Variants in FER1L6 observed in about 807,000 individuals in gnomAD.
The protein encoded by FER1L6 is fer-1-like protein 6.
In FER1L6, 177 loss-of-function variants were observed where a neutral mutation model predicts 219.2. The observed-to-expected ratio is 0.81, with a 90% CI of 0.71 to 0.91. The LOEUF is 0.91. FER1L6 is among the 40% of genes least tolerant of loss of function. FER1L6 has a pLI of 0.00. For missense variants in FER1L6, 2,153 were observed against 2,259.9 expected (o/e 0.95, Z 0.96); for synonymous variants, 768 against 824.3 (o/e 0.93, Z 1.17).
chr8:123,911,991 G>T (rs748504904), intron 1 of FER1L6, among the ~76,000 whole-genome samples: 33 of 152,124 alleles, frequency 2.2e-4, no homozygotes, highest in Admixed American at 1.6e-3. Flanking sequence ...GCCTCTATTA[G>T]CAATAGGGAA....
chr8:123,942,602 C>T (rs1323936213), intron 1 of FER1L6, among the ~76,000 whole-genome samples: 1 of 152,178 alleles, frequency 6.6e-6, no homozygotes, highest in Admixed American at 6.5e-5. Context: ...TCCTTTGTTC[C>T]TTGTCTTGTG....
intron 1 of FER1L6, among the ~76,000 whole-genome samples, chr8:123,919,537 A>G (rs919300830): frequency 4.6e-5 from 7 of 152,126 alleles, no homozygotes; most frequent in African/African-American, 1.7e-4. Flanking sequence ...TGGCTGGAGG[A>G]GCCACCTCTG....
At chr8:124,057,246 T>A (rs756650409) in intron 22 of FER1L6, among the ~76,000 whole-genome samples, 1 of 152,194 alleles carries the variant, frequency 6.6e-6, no homozygotes, top group Non-Finnish European at 1.5e-5. Context: ...TTTGTTTGCC[T>A]GGGTTGGAAA....
chr8:124,086,851 T>C (rs992484869), intron 33 of FER1L6, among the ~76,000 whole-genome samples: 2 of 152,218 alleles, frequency 1.3e-5, no homozygotes, highest in Admixed American at 6.5e-5. Context: ...ATACTTTTCC[T>C]AGATATGCTA....
chr8:124,093,925 CT>C (rs34671959), intron 34 of FER1L6, among the ~76,000 whole-genome samples: 57,448 of 151,814 alleles, frequency 0.38, 10,930 homozygotes, highest in Non-Finnish European at 0.39. Context: ...ACTGTGGCCC[CT>C]TTTTTTTAAA....
At chr8:123,949,445 G>A (rs915534638) in intron 1 of FER1L6, among the ~76,000 whole-genome samples, 16 of 152,126 alleles carry the variant, frequency 1.1e-4, no homozygotes, top group African/African-American at 3.9e-4. Context: ...AATCTGTTAT[G>A]GGTCAGTGTA....
At chr8:124,117,139 T>C (rs1823281777) in intron 39 of FER1L6, among the ~76,000 whole-genome samples, 1 of 152,244 alleles carries the variant, frequency 6.6e-6, no homozygotes, top group African/African-American at 2.4e-5. Flanking sequence ...GTATGAGCTT[T>C]GGTATCATAC....
chr8:124,021,624 C>G lies in FER1L6; in HGVS notation c.2088C>G (p.His696Gln). The part of the protein sequence containing the change: ...KKKLSVDEMI[H>Q]EAQNFVEKIR... ...AGTTATCTGTTGATGAAATGATTCACGAAGCCCAAAACTTTGTGGAAAAAA... is the reference window on the plus strand; with the variant it reads ...AGTTATCTGTTGATGAAATGATTCAGGAAGCCCAAAACTTTGTGGAAAAAA... Residue 696 changes from histidine (H) to glutamine (Q), a missense_variant, in exon 17 of 41, where the codon CAC (histidine) becomes CAG (glutamine). By Grantham distance (24) the His-to-Gln change is conservative. Coordinates refer to ENST00000522917, the MANE Select transcript of FER1L6 (RefSeq NM_001039112.2). The G allele has an allele frequency of 6.2e-7, 1 of 1,614,004 alleles. No homozygotes were observed. Among genetic ancestry groups the G allele is most frequent in the East Asian group, 2.2e-5 (1 of 44,874 alleles).
chr8:123,868,331 GGAATCAAA>G (rs1816871574), intron 1 of FER1L6, among the ~76,000 whole-genome samples: 1 of 152,104 alleles, frequency 6.6e-6, no homozygotes, highest in South Asian at 2.1e-4. Flanking sequence ...CATTGAGGGA[GGAATCAAA>G]GAAAGAGACA....
chr8:123,895,933 A>G (rs982295935), intron 1 of FER1L6, among the ~76,000 whole-genome samples: 5 of 152,166 alleles, frequency 3.3e-5, no homozygotes, highest in African/African-American at 1.2e-4. Context: ...GACAATAGGG[A>G]TGGATTATTG....
Position 124,101,398 on chromosome 8 carries a change from A to G in FER1L6, c.5125+60A>G. The G allele has an allele frequency of 2.0e-6, 3 of 1,520,260 alleles. No individual in the cohort carries two copies. The South Asian group carries it at 3.6e-5, about 18-fold the overall frequency. The allele number at this position is 1,520,260 out of a possible 1,614,324, so 94.2% of individuals were successfully genotyped here. A position where few individuals can be genotyped will look rare whatever the true frequency, so the allele number is the denominator to read the frequency against. ...TTAAGGGTTTTGTCTCAGCTTTTGG[A>G]GAGCTTGGTCTGATTTAGTTACAAG... On this transcript the variant is annotated intron_variant, in intron 38 of 40. Transcript: ENST00000522917.
chr8:124,052,075 T>C (rs191230271), intron 22 of FER1L6, among the ~76,000 whole-genome samples: 1 of 152,290 alleles, frequency 6.6e-6, no homozygotes, highest in Admixed American at 6.5e-5. Flanking sequence ...TAAAACCAAA[T>C]GGGATTCTAA....
At chr8:123,975,096 T>G in intron 7 of FER1L6, 54 bp from the exon 8 acceptor site, 1 of 1,464,478 alleles carries the variant, frequency 6.8e-7, no homozygotes, top group Non-Finnish European at 9.1e-7. Flanking sequence ...GAGAAAGGGG[T>G]GGGGCTGCTG....
At position 124,097,891 on chromosome 8, in the gene FER1L6, T is replaced by A. The variant is rs766411009; in HGVS notation, c.4883+8T>A. The A allele has an allele frequency of 1.4e-6, 2 of 1,449,168 alleles. No homozygotes were observed. The highest frequency in any genetic ancestry group is 1.9e-6 in the Non-Finnish European group (2 of 1,029,850). The allele number at this position is 1,449,168 out of a possible 1,614,324, so 89.8% of individuals were successfully genotyped here. The stretch of plus-strand genomic sequence containing the variant: ...TGATATTTATGTGAAAGGGTAAGGT[T>A]ATCAACAAACTCCAACCTCCCATTT... On this transcript the variant is annotated splice_region_variant and intron_variant, in intron 37 of 40. Transcript: ENST00000522917.
intron 16 of FER1L6, 141 bp downstream of exon 16, chr8:124,017,859 TTTGTTAAGTTGGA>T: frequency 1.7e-6 from 1 of 595,988 alleles, no homozygotes; most frequent in Non-Finnish European, 2.9e-6. Flanking sequence ...AAAGGGACTA[TTTGTTAAGTTGGA>T]AAGAAATGAA....
intron 18 of FER1L6, 89 bp downstream of exon 18, chr8:124,023,685 C>T: frequency 1.4e-6 from 2 of 1,383,658 alleles, no homozygotes; most frequent in Non-Finnish European, 2.0e-6. Flanking sequence ...ATGGCTCTGA[C>T]CATTCCCCAG....
intron 12 of FER1L6, among the ~76,000 whole-genome samples, chr8:124,000,688 A>G (rs1255987544): frequency 2.0e-5 from 3 of 152,220 alleles, no homozygotes; most frequent in African/African-American, 7.2e-5. Flanking sequence ...TAACTCTCCA[A>G]ATCTTCTTGG....
chr8:123,976,076 G>T lies in FER1L6; in HGVS notation c.862G>T (p.Gly288Trp). The change falls in exon 9 of 41, where the codon GGG (glycine) becomes TGG (tryptophan). Residue 288 changes from glycine to tryptophan, a missense_variant. Transcript: ENST00000522917. ...VDPFVEVSFA[G>W]QMGRTTVQKN... is the part of the protein sequence containing the mutation. The stretch of plus-strand genomic sequence containing the variant: ...TCCCTTTGTGGAGGTCTCCTTTGCT[G>T]GGCAGATGGTGAGGAACCATTGTCA... 1 of 1,610,960 alleles carries T rather than the reference G, an allele frequency of 6.2e-7. No individual in the cohort carries two copies. The highest frequency in any genetic ancestry group is 8.5e-7 in the Non-Finnish European group (1 of 1,178,434).
chr8:123,955,191 C>G (rs995039152), intron 1 of FER1L6, among the ~76,000 whole-genome samples: 1 of 152,104 alleles, frequency 6.6e-6, no homozygotes, highest in Non-Finnish European at 1.5e-5. Context: ...ATTGCTTGAA[C>G]CCGGGAGGTG....
Sources: allele counts gnomAD v4.1 joint callset (sites outside exome capture counted in the v4.1 genomes callset), GRCh38; gene constraint gnomAD v4.1.1; transcripts MANE v1.5; gene names NCBI Gene and HGNC (gene_info 2026-07-23, HGNC 2026-07-21).